INSR: variants seen among roughly 807,000 people sequenced by gnomAD.
INSR encodes IR.
Under a neutral mutation model 142.6 loss-of-function variants are expected in INSR, and 67 were observed. That is an observed-to-expected ratio of 0.47 (90% CI 0.39 to 0.58). The LOEUF is 0.58. INSR is among the 20% of genes least tolerant of loss of function. The pLI is 0.00. For missense variants in INSR, 1,248 were observed against 1,833.2 expected, an observed-to-expected ratio of 0.68 and a Z score of 5.83; for synonymous variants, 756 against 743.1, an observed-to-expected ratio of 1.02 and a Z score of -0.28.
At chr19:7,233,331 A>T (rs560804954) in intron 2 of INSR, among the ~76,000 whole-genome samples, 2 of 152,240 alleles carry the variant, frequency 1.3e-5, no homozygotes, top group Admixed American at 6.5e-5. Context: ...AAAAGAGGAA[A>T]CAGATCCCGG....
At chr19:7,235,427 A>G (rs1265667314) in intron 2 of INSR, among the ~76,000 whole-genome samples, 3 of 152,188 alleles carry the variant, frequency 2.0e-5, no homozygotes, top group Admixed American at 6.5e-5. Context: ...TCTAGAAAAT[A>G]AGATTCTGCA....
At position 7,159,921 on chromosome 19, in the gene INSR, C is replaced by T. The variant is rs1973705379; in HGVS notation, c.2029+3111G>A. ...CTCGCCAGTGGCCCCCTGGCCTTCT[C>T]CTCCAGGGTCATGGACCGAGGATAT... is the stretch of plus-strand genomic sequence containing the variant. On this transcript the variant is annotated intron_variant, in intron 9 of 21. Coordinates refer to ENST00000302850, the MANE Select transcript of INSR (RefSeq NM_000208.4). This position sits in a 1 kb window ranked among gnomAD's most constrained non-coding sequence, Gnocchi z 4.3. Among the ~76,000 whole-genome samples, 1 of 152,188 alleles carries T rather than the reference C, an allele frequency of 6.6e-6. No homozygotes were observed. Among genetic ancestry groups the T allele is most frequent in the Non-Finnish European group, 1.5e-5 (1 of 68,038 alleles).
At chr19:7,151,116 C>T (rs1973328630) in intron 10 of INSR, among the ~76,000 whole-genome samples, 1 of 139,322 alleles carries the variant, frequency 7.2e-6, no homozygotes, top group African/African-American at 2.6e-5. Context: ...CTCCCTTGCC[C>T]CCTTCCTTTC....
intron 2 of INSR, among the ~76,000 whole-genome samples, chr19:7,265,921 A>G (rs1967710539): frequency 6.6e-6 from 1 of 152,156 alleles, no homozygotes; most frequent in African/African-American, 2.4e-5. Context: ...AACAAAAACA[A>G]CAAAATGCAA....
chr19:7,116,869 C>T lies in INSR; in HGVS notation c.*187G>A. On this transcript the variant is annotated 3_prime_UTR_variant, in exon 22 of 22. Coordinates refer to ENST00000302850, the MANE Select transcript of INSR (RefSeq NM_000208.4). ...TGCCCTCCAGGTTCACAGTTAAATCCTCTGCAGGACTAGTTAAATTGGTAA... is the reference window on the plus strand; with the variant it reads ...TGCCCTCCAGGTTCACAGTTAAATCTTCTGCAGGACTAGTTAAATTGGTAA... 1 of 605,226 alleles carries T rather than the reference C, an allele frequency of 1.7e-6. No homozygotes were observed. Among genetic ancestry groups the T allele is most frequent in the East Asian group, 2.8e-5 (1 of 35,706 alleles). The allele number at this position is 605,226 out of a possible 1,614,324, so 37.5% of individuals were successfully genotyped here. A position where few individuals can be genotyped will look rare whatever the true frequency, so the allele number is the denominator to read the frequency against.
chr19:7,127,890 C>T (rs1219408994), intron 15 of INSR, among the ~76,000 whole-genome samples: 1 of 151,890 alleles, frequency 6.6e-6, no homozygotes, highest in African/African-American at 2.4e-5. Flanking sequence ...ATTACAGGCG[C>T]ACATCACCAC....
chr19:7,245,534 C>T (rs1976514784), intron 2 of INSR, among the ~76,000 whole-genome samples: 1 of 152,058 alleles, frequency 6.6e-6, no homozygotes, highest in Non-Finnish European at 1.5e-5. Context: ...ATTGAACCTC[C>T]ACCTCCCAAG....
intron 1 of INSR, among the ~76,000 whole-genome samples, chr19:7,285,373 C>G (rs1968320096): frequency 1.3e-5 from 2 of 151,872 alleles, no homozygotes; most frequent in African/African-American, 4.8e-5. Flanking sequence ...TTGCTTGAGC[C>G]CAGGAAGCAG....
intron 6 of INSR, among the ~76,000 whole-genome samples, chr19:7,170,188 C>T (rs549913816): frequency 1.3e-5 from 2 of 152,186 alleles, no homozygotes; most frequent in African/African-American, 4.8e-5. Flanking sequence ...ATTAGATTCT[C>T]ACAGGGGTGT....
At chr19:7,140,017 G>A (rs1224185721) in intron 13 of INSR, among the ~76,000 whole-genome samples, 3 of 152,056 alleles carry the variant, frequency 2.0e-5, no homozygotes, top group Non-Finnish European at 4.4e-5. Flanking sequence ...TAGCAGAGAC[G>A]GAGTTTCGCC....
intron 13 of INSR, chr19:7,141,434 C>T (rs995971777): frequency 3.7e-5 from 20 of 546,416 alleles, no homozygotes; most frequent in Non-Finnish European, 2.0e-5. Flanking sequence ...AGACATCATT[C>T]AACTTAGAGG....
rs563776132 is a variant in INSR, at chr19:7,225,762, C to A, written c.653-41125G>T. Among the ~76,000 whole-genome samples the A allele has an allele frequency of 6.6e-6, 1 of 152,276 alleles. No homozygotes were observed. The highest frequency in any genetic ancestry group is 2.1e-4 in the South Asian group (1 of 4,828). On this transcript the variant is annotated intron_variant, in intron 2 of 21. Transcript: ENST00000302850. The surrounding 1 kb of genome is among the most constrained non-coding windows in gnomAD (Gnocchi z 4.7). ...GTGCCCCTCACCCCCATTCCAGCAC[C>A]CTGGTCCAGGGGTCCTCAAATGGAG... is the stretch of plus-strand genomic sequence containing the variant.
chr19:7,245,737 C>T (rs532151869), intron 2 of INSR, among the ~76,000 whole-genome samples: 29 of 152,218 alleles, frequency 1.9e-4, no homozygotes, highest in South Asian at 1.0e-3. Context: ...TGAGCCACCA[C>T]GCCCAGCCGA....
At chr19:7,178,936 G>C (rs1974208040) in intron 3 of INSR, among the ~76,000 whole-genome samples, 1 of 152,152 alleles carries the variant, frequency 6.6e-6, no homozygotes, top group Non-Finnish European at 1.5e-5. Context: ...TTTGAGACAA[G>C]ATCTTGCTCT....
At chr19:7,270,339 T>TCTCTCTCTCACA (rs1414011806) in intron 1 of INSR, among the ~76,000 whole-genome samples, 2 of 120,246 alleles carry the variant, frequency 1.7e-5, no homozygotes, top group Non-Finnish European at 3.4e-5. Context: ...TCTCTCTCTC[T>TCTCTCTCTCACA]CACACACACA....
In INSR at chr19:7,166,749, G is replaced by A. The variant is rs1037254327; in HGVS notation, c.1611-345C>T. Among the ~76,000 whole-genome samples, 11 of 151,832 alleles carry A rather than the reference G, an allele frequency of 7.2e-5. No homozygotes were observed. The highest frequency in any genetic ancestry group is 7.4e-5 in the Non-Finnish European group (5 of 67,950). On this transcript the variant is annotated intron_variant, in intron 7 of 21. Transcript: ENST00000302850. The surrounding 1 kb of genome is among the most constrained non-coding windows in gnomAD (Gnocchi z 4.1). ...AGCCTGGCCAACATGGTGAAACCCC[G>A]TCTCTACTAAAAATACAAAAATTAT... is the stretch of plus-strand genomic sequence containing the variant.
intron 1 of INSR, chr19:7,268,528 C>G (rs1967812069): frequency 1.0e-6 from 1 of 985,232 alleles, no homozygotes; most frequent in Non-Finnish European, 1.2e-6. Flanking sequence ...GGCTCCCCAT[C>G]ATCCTGCACT....
At position 7,163,073 on chromosome 19, in the gene INSR, G is replaced by A. The variant is rs201034510; in HGVS notation, c.1988C>T (p.Ala663Val). 23 of 1,613,114 alleles carry A rather than the reference G, an allele frequency of 1.4e-5. No homozygotes were observed. Among genetic ancestry groups the A allele is most frequent in the African/African-American group, 1.1e-4 (8 of 74,950 alleles). ...THYLVFWERQ[A>V]EDSELFELDY... ...CAGCTCGAACAGCTCACTGTCTTCCGCCTGCCTCTCCCAGAAAACCAGGTA... is the reference window on the plus strand; with the variant it reads ...CAGCTCGAACAGCTCACTGTCTTCCACCTGCCTCTCCCAGAAAACCAGGTA... Residue 663 changes from alanine to valine, a missense_variant, in exon 9 of 22, where the codon GCG becomes GTG. Physicochemically the swap from Ala to Val is moderately conservative, Grantham distance 64. Transcript: ENST00000302850.
chr19:7,177,536 G>A (rs974397859), intron 3 of INSR, among the ~76,000 whole-genome samples: 11 of 150,866 alleles, frequency 7.3e-5, no homozygotes, highest in South Asian at 2.1e-4. Context: ...TTTTGTTTTT[G>A]TTTTTTTTAA....
Sources: gnomAD v4.1 joint callset for allele counts (sites outside exome capture counted in the v4.1 genomes callset) on GRCh38, gnomAD v4.1.1 for gene constraint, Gnocchi (gnomAD v3.1) non-coding constraint, MANE v1.5 for transcripts, NCBI Gene and HGNC (gene_info 2026-07-23, HGNC 2026-07-21) for gene names.